Variants in ERC2 observed in about 807,000 individuals in gnomAD.
ERC2 encodes the protein ELKS/RAB6-interacting/CAST family member 2, also known as ERC protein 2.
A neutral mutation model predicts 114.8 loss-of-function variants in ERC2; 42 were observed. The observed-to-expected ratio is 0.37, with a 90% CI of 0.29 to 0.47. The LOEUF (loss-of-function observed/expected upper bound fraction) is 0.47. ERC2 is among the 20% of genes least tolerant of loss of function. The pLI is 0.99. For synonymous variants in ERC2, 454 were observed against 425.5 expected (o/e 1.07, Z -0.82); for missense variants, 939 against 1,150.7 (o/e 0.82, Z 2.66).
At chr3:55,583,387 TTTCCTTCCTTCTTTCCTTCC>T (rs1204656457) in intron 17 of ERC2, among the ~76,000 whole-genome samples, 4 of 127,766 alleles carry the variant, frequency 3.1e-5, no homozygotes, top group African/African-American at 1.4e-4. Context: ...TCCTTCTTTC[TTTCCTTCCTTCTTTCCTTCC>T]TTCCTTCCTT....
chr3:56,342,920 G>A (rs1338388516), intron 2 of ERC2, among the ~76,000 whole-genome samples: 2 of 152,104 alleles, frequency 1.3e-5, no homozygotes, highest in African/African-American at 2.4e-5. Context: ...CTCCAGGAAA[G>A]GGGCATTTAT....
At chr3:56,460,910 C>T (rs1032365337) in intron 1 of ERC2, among the ~76,000 whole-genome samples, 5 of 136,990 alleles carry the variant, frequency 3.6e-5, no homozygotes, top group African/African-American at 1.1e-4. Flanking sequence ...CACGGGGTCA[C>T]GAGATCAAGA....
In ERC2 at chr3:55,508,776, C is replaced by T. The variant is rs991275442; in HGVS notation, c.*2540G>A. 1 of 152,426 alleles carries T rather than the reference C, an allele frequency of 6.6e-6. No homozygotes were observed. The highest frequency in any genetic ancestry group is 1.5e-5 in the Non-Finnish European group (1 of 68,008). 9.4% of individuals were successfully genotyped at this position (152,426 alleles called of 1,614,324 possible). ...GCTGTTAACGTGCATACTGGATACA[C>T]AAAAATCATTAAATACAAAATTGAG... is the stretch of plus-strand genomic sequence containing the variant. On this transcript the variant is annotated 3_prime_UTR_variant, in exon 18 of 18. Coordinates refer to ENST00000288221, the MANE Select transcript of ERC2 (RefSeq NM_015576.3).
chr3:55,797,631 T>C (rs1441717535), intron 14 of ERC2, among the ~76,000 whole-genome samples: 2 of 152,214 alleles, frequency 1.3e-5, no homozygotes, highest in African/African-American at 4.8e-5. Context: ...CAAATTTAGA[T>C]ATACATCCCC....
At chr3:56,210,264 A>G (rs1258196646) in intron 3 of ERC2, among the ~76,000 whole-genome samples, 1 of 145,030 alleles carries the variant, frequency 6.9e-6, no homozygotes, top group Non-Finnish European at 1.6e-5. Flanking sequence ...TATCCACGGG[A>G]AAAACAATTT....
chr3:55,640,371 C>T (rs1312418756), intron 17 of ERC2, among the ~76,000 whole-genome samples: 1 of 152,174 alleles, frequency 6.6e-6, no homozygotes, highest in Non-Finnish European at 1.5e-5. Context: ...TCTAACGATC[C>T]TACCTTATGC....
intron 12 of ERC2, among the ~76,000 whole-genome samples, chr3:55,974,438 A>G (rs2069419492): frequency 6.6e-6 from 1 of 152,222 alleles, no homozygotes; most frequent in Admixed American, 6.5e-5. Flanking sequence ...TCATATATCA[A>G]AACAAAGGCC....
intron 14 of ERC2, among the ~76,000 whole-genome samples, chr3:55,768,249 T>C (rs527394649): frequency 3.3e-5 from 5 of 152,186 alleles, no homozygotes; most frequent in Non-Finnish European, 7.3e-5. Flanking sequence ...CTAATACAGA[T>C]GGAAAGAAGA....
At chr3:56,103,351 G>T (rs754528019) in intron 6 of ERC2, among the ~76,000 whole-genome samples, 2 of 152,116 alleles carry the variant, frequency 1.3e-5, no homozygotes, top group Non-Finnish European at 2.9e-5. Context: ...GCAATAGGAA[G>T]TGGCATGATC....
At chr3:55,892,255 A>C (rs2063646005) in intron 13 of ERC2, among the ~76,000 whole-genome samples, 1 of 152,244 alleles carries the variant, frequency 6.6e-6, no homozygotes, top group Admixed American at 6.5e-5. Context: ...CTATAATCCC[A>C]ACACTTTGGG....
chr3:55,983,075 G>T (rs1366370213), intron 12 of ERC2, among the ~76,000 whole-genome samples: 1 of 152,194 alleles, frequency 6.6e-6, no homozygotes, highest in Non-Finnish European at 1.5e-5. Flanking sequence ...GTGCAGGCAG[G>T]ATCCCAGAAG....
Position 56,338,863 on chromosome 3 carries a change from G to C in ERC2, c.658-42428C>G, listed in dbSNP as rs911495553. On this transcript the variant is annotated intron_variant, in intron 2 of 17. Coordinates refer to ENST00000288221, the MANE Select transcript of ERC2 (RefSeq NM_015576.3). Reference sequence around the variant, plus strand: ...GGACTTCAGGAGGCCACTTTTACCAGCCATGTGGAGGAAGCATGTCTGCAA... The same window carrying C: ...GGACTTCAGGAGGCCACTTTTACCACCCATGTGGAGGAAGCATGTCTGCAA... 3.9e-5 allele frequency among the ~76,000 whole-genome samples: 6 copies of C among 152,202 alleles called. 1 individual carries two copies. The South Asian group carries it at 1.2e-3, about 32-fold the overall frequency.
intron 3 of ERC2, among the ~76,000 whole-genome samples, chr3:56,196,094 T>C (rs975784803): frequency 6.6e-6 from 1 of 152,126 alleles, no homozygotes; most frequent in Non-Finnish European, 1.5e-5. Flanking sequence ...CTAGGTCTTC[T>C]GCAGATAATC....
intron 14 of ERC2, among the ~76,000 whole-genome samples, chr3:55,773,587 G>T (rs1049117682): frequency 6.6e-6 from 1 of 152,192 alleles, no homozygotes; most frequent in Non-Finnish European, 1.5e-5. Context: ...TTTCTCCCTT[G>T]TTGAGAATAT....
chr3:55,662,378 ACTT>A (rs1271552795), intron 17 of ERC2, among the ~76,000 whole-genome samples: 5 of 152,260 alleles, frequency 3.3e-5, no homozygotes, highest in African/African-American at 1.2e-4. Flanking sequence ...TCCATGAAAT[ACTT>A]CTGTCGCTAT....
At chr3:55,636,856 T>C (rs927606443) in intron 17 of ERC2, among the ~76,000 whole-genome samples, 1 of 152,200 alleles carries the variant, frequency 6.6e-6, no homozygotes, top group African/African-American at 2.4e-5. Context: ...CAGACCTGAT[T>C]TGCAAAATAA....
At chr3:56,184,300 G>A (rs1385272916) in intron 3 of ERC2, among the ~76,000 whole-genome samples, 1 of 152,030 alleles carries the variant, frequency 6.6e-6, no homozygotes, top group Non-Finnish European at 1.5e-5. Context: ...AATAATTATT[G>A]GACACCTAAC....
At chr3:56,459,205 G>A (rs1011612474) in intron 1 of ERC2, among the ~76,000 whole-genome samples, 4 of 152,098 alleles carry the variant, frequency 2.6e-5, no homozygotes, top group Non-Finnish European at 5.9e-5. Context: ...GGTAACCACA[G>A]TGCACAACTA....
At chr3:56,113,146 A>T (rs1206616835) in intron 6 of ERC2, among the ~76,000 whole-genome samples, 3 of 152,182 alleles carry the variant, frequency 2.0e-5, no homozygotes, top group Admixed American at 2.0e-4. Context: ...GCTAATTTAT[A>T]AGAGATATCA....
Sources: gnomAD v4.1 joint callset for allele counts (sites outside exome capture counted in the v4.1 genomes callset) on GRCh38, gnomAD v4.1.1 for gene constraint, MANE v1.5 for transcripts, NCBI Gene and HGNC (gene_info 2026-07-23, HGNC 2026-07-21) for gene names.